ENPP3: variants seen among roughly 807,000 people sequenced by gnomAD.
ENPP3 encodes the protein ectonucleotide pyrophosphatase/phosphodiesterase 3, also known as ectonucleotide pyrophosphatase/phosphodiesterase family member 3.
ENPP3 carries 104 observed loss-of-function variants against 117.8 expected under a neutral mutation model. The ratio of observed to expected loss-of-function variants is 0.88; its 90% CI spans 0.75 to 1.04. ENPP3 has a LOEUF of 1.04. ENPP3 is among the 50% of genes least tolerant of loss of function. The pLI is 0.00. For synonymous variants in ENPP3, 380 were observed against 349.9 expected (o/e 1.09, Z -0.96); for missense variants, 1,026 against 1,051.9 (o/e 0.98, Z 0.34).
chr6:131,745,122 C>T (rs942116514), intron 24 of ENPP3, among the ~76,000 whole-genome samples: 2 of 151,680 alleles, frequency 1.3e-5, no homozygotes, highest in Admixed American at 6.6e-5. Context: ...AGAGTAGAGT[C>T]GTATAAACCA....
intron 20 of ENPP3, among the ~76,000 whole-genome samples, chr6:131,729,484 C>T (rs1355245058): frequency 2.0e-5 from 3 of 152,176 alleles, no homozygotes; most frequent in African/African-American, 4.8e-5. Context: ...TGTCTATACT[C>T]ATCATTTACT....
chr6:131,736,169 A>G (rs1165705455), intron 21 of ENPP3, among the ~76,000 whole-genome samples: 2 of 152,242 alleles, frequency 1.3e-5, no homozygotes, highest in African/African-American at 2.4e-5. Flanking sequence ...GTCTGCTTCC[A>G]GAGCACCCTC....
At chr6:131,669,449 G>A (rs1055942899) in intron 6 of ENPP3, among the ~76,000 whole-genome samples, 5 of 151,762 alleles carry the variant, frequency 3.3e-5, no homozygotes, top group African/African-American at 4.8e-5. Context: ...GAGGCAGGTG[G>A]ATCACTTGAG....
intron 23 of ENPP3, among the ~76,000 whole-genome samples, chr6:131,739,371 T>C (rs1780473620): frequency 6.6e-6 from 1 of 152,172 alleles, no homozygotes; most frequent in Non-Finnish European, 1.5e-5. Flanking sequence ...CACTGTGAAG[T>C]TGATAGCACA....
At chr6:131,654,205 C>T (rs1279624935) in intron 5 of ENPP3, among the ~76,000 whole-genome samples, 2 of 151,778 alleles carry the variant, frequency 1.3e-5, no homozygotes, top group African/African-American at 2.4e-5. Flanking sequence ...ACGATCATAG[C>T]TCACTGCAGC....
chr6:131,647,070 C>T (rs1015310965), intron 2 of ENPP3, among the ~76,000 whole-genome samples: 4 of 145,980 alleles, frequency 2.7e-5, no homozygotes, highest in Admixed American at 2.1e-4. Flanking sequence ...GACGGGGTTT[C>T]GCCATGTTGC....
chr6:131,703,845 G>A (rs1041346883), intron 15 of ENPP3, among the ~76,000 whole-genome samples: 21 of 150,548 alleles, frequency 1.4e-4, no homozygotes, highest in African/African-American at 4.4e-4. Flanking sequence ...TATCATGAGA[G>A]CTTTGTGTGA....
Position 131,641,465 on chromosome 6 carries a change from C to T in ENPP3, c.89C>T (p.Ala30Val). Residue 30 changes from alanine to valine, a missense_variant, in exon 2 of 25, where the codon GCT becomes GTT. Coordinates refer to ENST00000357639, the MANE Select transcript of ENPP3 (RefSeq NM_005021.5). ...KYKIACIVLL[A>V]LLVIMSLGLG... ...TCCTTTTTGCAATAGGTTCTTCTTG[C>T]TTTGCTGGTGATCATGTCACTTGGA... is the stretch of plus-strand genomic sequence containing the variant. 1 of 1,610,364 alleles carries T rather than the reference C, an allele frequency of 6.2e-7. No individual in the cohort carries two copies. The highest frequency in any genetic ancestry group is 8.5e-7 in the Non-Finnish European group (1 of 1,177,296).
At chr6:131,686,876 G>A (rs1464213473) in intron 14 of ENPP3, among the ~76,000 whole-genome samples, 1 of 152,152 alleles carries the variant, frequency 6.6e-6, no homozygotes, top group Non-Finnish European at 1.5e-5. Context: ...AGTATTCTAT[G>A]ATGTATATGT....
At chr6:131,683,950 A>G (rs1779090403) in intron 12 of ENPP3, among the ~76,000 whole-genome samples, 1 of 151,942 alleles carries the variant, frequency 6.6e-6, no homozygotes, top group Admixed American at 6.6e-5. Flanking sequence ...ATGGGGTTTC[A>G]CCGTGTTAGC....
rs150375100 is a variant in ENPP3, at chr6:131,676,765, C to T, written c.902C>T (p.Thr301Ile). 39 of 1,610,698 alleles carry T rather than the reference C, an allele frequency of 2.4e-5. No homozygotes were observed. The highest frequency in any genetic ancestry group is 3.1e-5 in the Non-Finnish European group (36 of 1,177,272). ...GSVPFEERIS[T>I]LLKWLDLPKA... ...GTCCCATTTGAAGAGAGGATTTCTA[C>T]ACTGTTAAAATGGCTGGACCTGCCC... is the stretch of plus-strand genomic sequence containing the variant. The change falls in exon 10 of 25, where the codon ACA becomes ATA. Residue 301 changes from threonine (T) to isoleucine (I), a missense_variant. Coordinates refer to ENST00000357639, the MANE Select transcript of ENPP3 (RefSeq NM_005021.5).
At position 131,720,301 on chromosome 6, in the gene ENPP3, C is replaced by A; in HGVS notation, c.1489C>A (p.Leu497Met). Residue 497 changes from leucine to methionine, a missense_variant, in exon 17 of 25, where the codon CTG becomes ATG. By Grantham distance (15) the Leu-to-Met change is conservative (BLOSUM62 2). Transcript: ENST00000357639. The stretch of plus-strand genomic sequence containing the variant: ...GACTATTATGACCTAGGCTATCTTT[C>A]TGGCACATGGACCCAGTTTTAAAGA... Reference protein sequence around the residue: ...NEFRSMEAIFLAHGPSFKEKT... With the variant: ...NEFRSMEAIFMAHGPSFKEKT... 1 of 1,587,786 alleles carries A rather than the reference C, an allele frequency of 6.3e-7. No homozygotes were observed. The highest frequency in any genetic ancestry group is 8.6e-7 in the Non-Finnish European group (1 of 1,163,004).
chr6:131,668,812 C>T (rs56708439), intron 6 of ENPP3, among the ~76,000 whole-genome samples: 6,441 of 152,218 alleles, frequency 0.042, 215 homozygotes, highest in Middle Eastern at 0.14. Flanking sequence ...TGGTTTATTG[C>T]GTGTCTTTCC....
At chr6:131,735,921 C>T (rs1272298810) in intron 21 of ENPP3, among the ~76,000 whole-genome samples, 7 of 152,066 alleles carry the variant, frequency 4.6e-5, no homozygotes, top group Non-Finnish European at 1.0e-4. Flanking sequence ...GTAGAGTCAA[C>T]AGTACTATAC....
At chr6:131,675,435 C>T (rs1778846160) in intron 9 of ENPP3, 3 of 395,016 alleles carry the variant, frequency 7.6e-6, no homozygotes, top group Non-Finnish European at 1.4e-5. Flanking sequence ...TTCGAGCTGT[C>T]ATCTCTTGCC....
intron 20 of ENPP3, among the ~76,000 whole-genome samples, chr6:131,727,204 A>T (rs1780172550): frequency 6.6e-6 from 1 of 152,230 alleles, no homozygotes; most frequent in Non-Finnish European, 1.5e-5. Flanking sequence ...AACAAAGGAT[A>T]GGAGCCAAGC....
At chr6:131,697,040 T>A (rs1368933942) in intron 15 of ENPP3, among the ~76,000 whole-genome samples, 3 of 152,158 alleles carry the variant, frequency 2.0e-5, no homozygotes, top group African/African-American at 7.2e-5. Flanking sequence ...GTGCCGGGAT[T>A]ACAGGCGTGA....
At chr6:131,694,468 C>G (rs930095331) in intron 15 of ENPP3, among the ~76,000 whole-genome samples, 1 of 152,074 alleles carries the variant, frequency 6.6e-6, no homozygotes, top group Admixed American at 6.5e-5. Flanking sequence ...TAAAAAGTAT[C>G]TGGACTTTAT....
chr6:131,717,115 C>A (rs902027063), intron 15 of ENPP3, among the ~76,000 whole-genome samples: 17 of 152,122 alleles, frequency 1.1e-4, no homozygotes, highest in African/African-American at 3.9e-4. Context: ...TTGCTTTCCC[C>A]ATTCCAGGTA....
Sources: gnomAD v4.1 joint callset for allele counts (sites outside exome capture counted in the v4.1 genomes callset) on GRCh38, gnomAD v4.1.1 for gene constraint, MANE v1.5 for transcripts, NCBI Gene and HGNC (gene_info 2026-07-23, HGNC 2026-07-21) for gene names.